GALNT15: variants seen among roughly 807,000 people sequenced by gnomAD.
The protein encoded by GALNT15 is polypeptide N-acetylgalactosaminyltransferase 15.
A neutral mutation model predicts 66.8 loss-of-function variants in GALNT15; 67 were observed. The observed-to-expected ratio is 1.00, with a 90% confidence interval of 0.82 to 1.23. The LOEUF (loss-of-function observed/expected upper bound fraction) is 1.23. Among genes scored for constraint, GALNT15 ranks in the 50% most tolerant of loss-of-function variants. The pLI is 0.00. For missense variants in GALNT15, 827 were observed against 804.3 expected (o/e 1.03, Z -0.34); for synonymous variants, 313 against 311.5 (o/e 1.00, Z -0.05).
intron 1 of GALNT15, among the ~76,000 whole-genome samples, chr3:16,185,786 GATAGA>G (rs2063511099): frequency 7.8e-6 from 1 of 128,132 alleles, no homozygotes; most frequent in African/African-American, 2.9e-5. Context: ...TAGATAGATA[GATAGA>G]TGATAGATTA....
chr3:16,200,598 C>T lies in GALNT15; in HGVS notation c.707-21C>T. The T allele has an allele frequency of 6.7e-7, 1 of 1,497,770 alleles. No individual in the cohort carries two copies. The highest frequency in any genetic ancestry group is 8.9e-7 in the Non-Finnish European group (1 of 1,120,478). The allele number at this position is 1,497,770 out of a possible 1,614,324, so 92.8% of individuals were successfully genotyped here. On this transcript the variant is annotated intron_variant, in intron 2 of 9. Coordinates refer to ENST00000339732, the MANE Select transcript of GALNT15 (RefSeq NM_054110.5). The surrounding 1 kb of genome is among the most constrained non-coding windows in gnomAD (Gnocchi z 4.4). ...GTTGTGGCATTTGTCATTCCACTGA[C>T]CACAACCCTGTTGATTCCAGGACAA...
chr3:16,232,374 T>C (rs184093256), downstream of GALNT15, among the ~76,000 whole-genome samples: 2 of 149,700 alleles, frequency 1.3e-5, no homozygotes, highest in Non-Finnish European at 3.0e-5. Context: ...GAGATCAGGC[T>C]GAGCAACATA....
At chr3:16,247,808 C>T in the GALNT15 span, among the ~76,000 whole-genome samples, 1 of 152,232 alleles carries the variant, frequency 6.6e-6, no homozygotes, top group East Asian at 1.9e-4. Context: ...CTGTCCCCCT[C>T]CCGGACCCAG....
At chr3:16,230,689 T>C (rs1422623112), downstream of GALNT15, among the ~76,000 whole-genome samples, 1 of 152,252 alleles carries the variant, frequency 6.6e-6, no homozygotes, top group Non-Finnish European at 1.5e-5. This position sits in a 1 kb window ranked among gnomAD's most constrained non-coding sequence, Gnocchi z 4.5. Flanking sequence ...ACTCTACTTA[T>C]TATGCACACT....
At chr3:16,198,188 G>A (rs2063660214) in intron 2 of GALNT15, among the ~76,000 whole-genome samples, 3 of 141,950 alleles carry the variant, frequency 2.1e-5, no homozygotes, top group South Asian at 4.5e-4. Context: ...CAATGCCATT[G>A]GACACCCACC....
chr3:16,208,365 C>G, intron 3 of GALNT15, 138 bp from the exon 4 acceptor site: 2 of 684,756 alleles, frequency 2.9e-6, no homozygotes, highest in Non-Finnish European at 4.9e-6. Flanking sequence ...TACACTTACT[C>G]CACACCTGAT....
At chr3:16,213,441 C>T (rs1156625818) in intron 6 of GALNT15, among the ~76,000 whole-genome samples, 2 of 88,542 alleles carry the variant, frequency 2.3e-5, no homozygotes, top group African/African-American at 9.8e-5. Context: ...AGTGACAGAG[C>T]AACTCCATCT....
At chr3:16,194,553 C>T (rs2063612159) in intron 1 of GALNT15, among the ~76,000 whole-genome samples, 1 of 152,134 alleles carries the variant, frequency 6.6e-6, no homozygotes, top group African/African-American at 2.4e-5. Context: ...CAGCACTATT[C>T]ATAGTAGTGA....
Position 16,191,553 on chromosome 3 carries a change from C to A in GALNT15, c.540-4207C>A, listed in dbSNP as rs75839824. Among the ~76,000 whole-genome samples the A allele has an allele frequency of 6.6e-6, 1 of 152,208 alleles. No homozygotes were observed. Among genetic ancestry groups the A allele is most frequent in the African/African-American group, 2.4e-5 (1 of 41,454 alleles). ...AGTGGTGGAGCCTCAGTGTCCACAA[C>A]CTGAGTTACCAGGTGAGACTGCCAC... On this transcript the variant is annotated intron_variant, in intron 1 of 9. Transcript: ENST00000339732. The surrounding 1 kb of genome is among the most constrained non-coding windows in gnomAD (Gnocchi z 5.2).
At chr3:16,232,650 G>A (rs1478698391), downstream of GALNT15, among the ~76,000 whole-genome samples, 3 of 150,584 alleles carry the variant, frequency 2.0e-5, no homozygotes, top group African/African-American at 2.4e-5. Flanking sequence ...TATAAAAAGA[G>A]CAGAGGCAAA....
intron 1 of GALNT15, among the ~76,000 whole-genome samples, chr3:16,178,598 T>C (rs2063437555): frequency 6.6e-6 from 1 of 152,148 alleles, no homozygotes; most frequent in South Asian, 2.1e-4. Context: ...CGGTTCAAGC[T>C]CTGGCGCCTT....
rs185330066 is a variant in GALNT15 at position 16,228,443 on chromosome 3, C to G, written c.*943C>G. The G allele has an allele frequency of 1.4e-6, 1 of 706,540 alleles. No homozygotes were observed. Among genetic ancestry groups the G allele is most frequent in the Admixed American group, 6.3e-5 (1 of 15,918 alleles). 43.8% of individuals were successfully genotyped at this position (706,540 alleles called of 1,614,324 possible). The stretch of plus-strand genomic sequence containing the variant: ...ATCACCTGATGTCAGGGGTTTGAGA[C>G]CAGCCTGGTCAACATTGCAAAACCT... On this transcript the variant is annotated 3_prime_UTR_variant, in exon 10 of 10. Transcript: ENST00000339732.
At position 16,180,024 on chromosome 3, in the gene GALNT15, T is replaced by A. The variant is rs1462008073; in HGVS notation, c.539+4334T>A. Among the ~76,000 whole-genome samples the A allele has an allele frequency of 6.6e-6, 1 of 152,150 alleles. No individual in the cohort carries two copies. The highest frequency in any genetic ancestry group is 1.5e-5 in the Non-Finnish European group (1 of 68,024). ...GTGCAGGGGCAATGGGTTCCTAGGATCAAAGAGGCTGCTGTGTGAGCCAGT... is the reference window on the plus strand; with the variant it reads ...GTGCAGGGGCAATGGGTTCCTAGGAACAAAGAGGCTGCTGTGTGAGCCAGT... On this transcript the variant is annotated intron_variant, in intron 1 of 9. Transcript: ENST00000339732. The surrounding 1 kb of genome is among the most constrained non-coding windows in gnomAD (Gnocchi z 5.0).
In GALNT15 at chr3:16,227,454, G is replaced by T. The variant is rs373039243; in HGVS notation, c.1874G>T (p.Arg625Leu). 29 of 1,614,144 alleles carry T rather than the reference G, an allele frequency of 1.8e-5. No homozygotes were observed. Among genetic ancestry groups the T allele is most frequent in the Non-Finnish European group, 2.2e-5 (26 of 1,180,006 alleles). The change falls in exon 10 of 10, where the codon CGC becomes CTC. Residue 625 changes from arginine to leucine, a missense_variant. Transcript: ENST00000339732. The surrounding 1 kb of genome is among the most constrained non-coding windows in gnomAD (Gnocchi z 4.5). Reference sequence around the variant, plus strand: ...CTGCGTCCGTGTGATGGAAAAGCCCGCCAGCAGTGGCGTTTTGACCAGATC... The same window carrying T: ...CTGCGTCCGTGTGATGGAAAAGCCCTCCAGCAGTGGCGTTTTGACCAGATC... ...LYLRPCDGKA[R>L]QQWRFDQINA...
chr3:16,177,272 A>G (rs2063420236), intron 1 of GALNT15, among the ~76,000 whole-genome samples: 1 of 152,224 alleles, frequency 6.6e-6, no homozygotes. Context: ...AGCAAGAGTG[A>G]GCATCCTCTT....
In GALNT15 at chr3:16,224,819, A is replaced by T. The variant is rs370401302; in HGVS notation, c.1773+2061A>T. On this transcript the variant is annotated intron_variant, in intron 9 of 9. Transcript: ENST00000339732. The surrounding 1 kb of genome is among the most constrained non-coding windows in gnomAD (Gnocchi z 5.2). ...GCCCAGCTAATTTTGTATTTTTAGT[A>T]GAGACGGGGTTTCCTCCATGTTGGC... Among the ~76,000 whole-genome samples, 2 of 151,962 alleles carry T rather than the reference A, an allele frequency of 1.3e-5. No individual in the cohort carries two copies. Among genetic ancestry groups the T allele is most frequent in the Non-Finnish European group, 2.9e-5 (2 of 67,982 alleles).
In GALNT15 at chr3:16,175,572, G is replaced by C. The variant is rs201117736; in HGVS notation, c.421G>C (p.Gly141Arg). ...PKRDWGADED[G>R]EVSEEEELTP... ...GAGGGACTGGGGGGCTGATGAGGAC[G>C]GGGAGGTGTCTGAAGAAGAGGAGTT... The change falls in exon 1 of 10, where the codon GGG becomes CGG. Residue 141 changes from glycine to arginine, a missense_variant. Coordinates refer to ENST00000339732, the MANE Select transcript of GALNT15 (RefSeq NM_054110.5). The surrounding 1 kb of genome is among the most constrained non-coding windows in gnomAD (Gnocchi z 5.6). The C allele has an allele frequency of 6.2e-7, 1 of 1,613,776 alleles. No homozygotes were observed. The highest frequency in any genetic ancestry group is 8.5e-7 in the Non-Finnish European group (1 of 1,179,980).
chr3:16,206,874 G>T (rs544847650), intron 3 of GALNT15, among the ~76,000 whole-genome samples: 1 of 152,036 alleles, frequency 6.6e-6, no homozygotes, highest in Non-Finnish European at 1.5e-5. Context: ...AAAATGCTTT[G>T]CCAATAGCCA....
chr3:16,228,946 CTT>C lies in GALNT15; in HGVS notation c.*1448_*1449del. 1.0e-6 allele frequency: 1 copy of C among 985,448 alleles called. No homozygotes were observed. The highest frequency in any genetic ancestry group is 1.2e-6 in the Non-Finnish European group (1 of 829,948). 61.0% of individuals were successfully genotyped at this position (985,448 alleles called of 1,614,324 possible). A position where few individuals can be genotyped will look rare whatever the true frequency, so the allele number is the denominator to read the frequency against. On this transcript the variant is annotated 3_prime_UTR_variant, in exon 10 of 10. Transcript: ENST00000339732. Reference sequence around the variant, plus strand: ...GCTGAGGCTAGTAAGAGCTAAATGACTTTCCTTGCTATGACTTGGCTTACCTG... The same window carrying C: ...GCTGAGGCTAGTAAGAGCTAAATGACTCCTTGCTATGACTTGGCTTACCTG...
Sources: allele counts gnomAD v4.1 joint callset (sites outside exome capture counted in the v4.1 genomes callset), GRCh38; gene constraint gnomAD v4.1.1; non-coding constraint Gnocchi (gnomAD v3.1); transcripts MANE v1.5; gene names NCBI Gene and HGNC (gene_info 2026-07-23, HGNC 2026-07-21).